The following NLGN1 variants were observed in gnomAD, a reference collection of about 807,000 sequenced individuals.
NLGN1 encodes neuroligin 1.
In NLGN1, 12 loss-of-function variants were observed where a neutral mutation model predicts 65.5. That is an observed-to-expected ratio of 0.18 (90% CI 0.12 to 0.30). The LOEUF is 0.30. Ranked by LOEUF, NLGN1 falls within the 10% of genes least tolerant of loss-of-function variation. The pLI is 1.00. For missense variants in NLGN1, 750 were observed against 1,007.1 expected (o/e 0.74, Z 3.46); for synonymous variants, 350 against 359.5 (o/e 0.97, Z 0.30).
chr3:173,772,472 G>T (rs1486111506), intron 3 of NLGN1, among the ~76,000 whole-genome samples: 1 of 151,946 alleles, frequency 6.6e-6, no homozygotes, highest in Non-Finnish European at 1.5e-5. Context: ...ACAAAAATTA[G>T]CCAGGCATGG....
intron 4 of NLGN1, among the ~76,000 whole-genome samples, chr3:174,008,085 TG>T (rs1579728644): frequency 6.6e-6 from 1 of 152,242 alleles, no homozygotes; most frequent in East Asian, 1.9e-4. Flanking sequence ...TAGCTTTTGC[TG>T]GCTTATGCTG....
chr3:173,604,493 C>A lies in NLGN1; in HGVS notation c.-106C>A. ...TCAGAGCTTTTCTCGACAAGCTCCC[C>A]TGTAAGAAATCGGAGGTATATTCTA... On this transcript the variant is annotated 5_prime_UTR_variant, in exon 3 of 7. The change creates a new upstream start codon in the 5' untranslated region. Transcript: ENST00000457714. The A allele has an allele frequency of 8.0e-7, 1 of 1,256,080 alleles. No homozygotes were observed. The highest frequency in any genetic ancestry group is 1.1e-6 in the Non-Finnish European group (1 of 898,712). The allele number at this position is 1,256,080 out of a possible 1,614,324, so 77.8% of individuals were successfully genotyped here.
chr3:174,260,276 T>G (rs1264855), intron 4 of NLGN1, among the ~76,000 whole-genome samples: 14,325 of 139,536 alleles, frequency 0.1, 609 homozygotes, highest in African/African-American at 0.13. Context: ...TTCCACAATG[T>G]TTGAACTAGT....
chr3:174,276,567 G>GTGA (rs1238944902), intron 5 of NLGN1, among the ~76,000 whole-genome samples: 21 of 151,962 alleles, frequency 1.4e-4, no homozygotes, highest in Admixed American at 9.9e-4. Flanking sequence ...GTTGAGTTTT[G>GTGA]TGATAGGAGC....
intron 3 of NLGN1, chr3:173,695,469 TCAATCCA>T: frequency 8.9e-6 from 2 of 225,222 alleles, no homozygotes; most frequent in African/African-American, 2.3e-5. Flanking sequence ...GATTTTTTTT[TCAATCCA>T]TTTATTCTGA....
intron 3 of NLGN1, among the ~76,000 whole-genome samples, chr3:173,613,365 C>A (rs1196277047): frequency 1.3e-5 from 2 of 152,044 alleles, no homozygotes; most frequent in Non-Finnish European, 2.9e-5. Context: ...CCACGATGAC[C>A]CTTCCTACAG....
intron 2 of NLGN1, among the ~76,000 whole-genome samples, chr3:173,493,262 A>G (rs550495): frequency 0.1 from 15,728 of 151,744 alleles, 994 homozygotes; most frequent in Admixed American, 0.18. Flanking sequence ...TGTTTATGAG[A>G]TATGAACCAC....
chr3:173,675,184 T>C (rs578027480), intron 3 of NLGN1, among the ~76,000 whole-genome samples: 12 of 152,182 alleles, frequency 7.9e-5, no homozygotes, highest in Non-Finnish European at 1.5e-4. Context: ...TCTTTGTTGA[T>C]TGAATATTTG....
intron 4 of NLGN1, among the ~76,000 whole-genome samples, chr3:174,238,170 GT>G (rs1164759377): frequency 6.6e-6 from 1 of 152,084 alleles, no homozygotes; most frequent in African/African-American, 2.4e-5. Flanking sequence ...ACTCAGGTAA[GT>G]GTCATCCATG....
intron 3 of NLGN1, among the ~76,000 whole-genome samples, chr3:173,684,421 T>C (rs1257648677): frequency 1.3e-5 from 2 of 152,176 alleles, no homozygotes; most frequent in Non-Finnish European, 2.9e-5. Context: ...ACTTAAGTAG[T>C]GTGCATATCT....
intron 3 of NLGN1, chr3:173,789,838 A>G (rs761290215): frequency 1.2e-5 from 6 of 509,186 alleles, no homozygotes; most frequent in Non-Finnish European, 2.0e-5. Context: ...AATAGAACAC[A>G]TTTTCTATAT....
intron 4 of NLGN1, among the ~76,000 whole-genome samples, chr3:173,860,512 T>C (rs1284814367): frequency 1.3e-5 from 2 of 152,170 alleles, no homozygotes; most frequent in South Asian, 4.1e-4. Context: ...AAGTCAAAAA[T>C]ACTTTCTAAG....
At chr3:174,239,929 A>G (rs558664159) in intron 4 of NLGN1, among the ~76,000 whole-genome samples, 38 of 152,366 alleles carry the variant, frequency 2.5e-4, no homozygotes, top group Middle Eastern at 3.4e-3. Context: ...ACAATGGATT[A>G]TCTTAGTAAA....
In NLGN1 at chr3:173,655,165, A is replaced by AT. The variant is rs955399231; in HGVS notation, c.493+50075dup. 2.5e-4 allele frequency among the ~76,000 whole-genome samples: 38 copies of AT among 152,268 alleles called. 2 individuals are homozygous for AT. The highest frequency in any genetic ancestry group is 8.4e-4 in the African/African-American group (35 of 41,570). On this transcript the variant is annotated intron_variant, in intron 3 of 6. Coordinates refer to ENST00000457714, the Ensembl canonical transcript of NLGN1. ...AGGACCTCAGAAGGGGAAAAGCTAAATAAGTATTTTAACGGAAAGAAAAAA... is the reference window on the plus strand; with the variant it reads ...AGGACCTCAGAAGGGGAAAAGCTAAATTAAGTATTTTAACGGAAAGAAAAAA...
At chr3:173,649,663 A>T (rs7637303) in intron 3 of NLGN1, among the ~76,000 whole-genome samples, 3 of 152,064 alleles carry the variant, frequency 2.0e-5, no homozygotes, top group South Asian at 4.1e-4. Flanking sequence ...ATCTCACAAC[A>T]CACAGGCAAC....
At position 173,666,432 on chromosome 3, in the gene NLGN1, T is replaced by C. The variant is rs190384022; in HGVS notation, c.493+61341T>C. Among the ~76,000 whole-genome samples, 9 of 152,284 alleles carry C rather than the reference T, an allele frequency of 5.9e-5. No homozygotes were observed. In the East Asian group the frequency reaches 1.7e-3, roughly 29 times the overall value. ...ATACAGTCAGAGTTAAAAGCTACAC[T>C]ATGAAGGGAGTTGAAAAAATGCCTA... On this transcript the variant is annotated intron_variant, in intron 3 of 6. Transcript: ENST00000457714.
chr3:173,829,564 G>A (rs1722068914), intron 4 of NLGN1, among the ~76,000 whole-genome samples: 1 of 143,766 alleles, frequency 7.0e-6, no homozygotes, highest in Non-Finnish European at 1.5e-5. Context: ...GTGTGTGTGT[G>A]TGTGTGTTTG....
chr3:173,539,388 A>ATG (rs1560404461), intron 2 of NLGN1, among the ~76,000 whole-genome samples: 1 of 138,812 alleles, frequency 7.2e-6, no homozygotes, highest in African/African-American at 3.1e-5. Context: ...GTATATATAT[A>ATG]AAAAACATAT....
intron 3 of NLGN1, among the ~76,000 whole-genome samples, chr3:173,650,221 C>T (rs1441873101): frequency 6.6e-6 from 1 of 152,082 alleles, no homozygotes; most frequent in African/African-American, 2.4e-5. Flanking sequence ...ACTTCCTACT[C>T]ATCATTATTC....
Sources: allele counts gnomAD v4.1 joint callset (sites outside exome capture counted in the v4.1 genomes callset), GRCh38; gene constraint gnomAD v4.1.1; transcripts MANE v1.5; gene names NCBI Gene and HGNC (gene_info 2026-07-23, HGNC 2026-07-21).